SRCAP: variants seen among roughly 807,000 people sequenced by gnomAD.
SRCAP encodes chromatin remodeling protein SRCAP.
SRCAP carries 46 observed loss-of-function variants against 263.1 expected under a neutral mutation model. The ratio of observed to expected loss-of-function variants is 0.17; its 90% CI spans 0.14 to 0.22. SRCAP has a LOEUF of 0.22. SRCAP is among the 10% of genes least tolerant of loss of function. The pLI, the probability that SRCAP is intolerant of heterozygous loss-of-function variation, is 1.00. For missense variants in SRCAP, 3,695 were observed against 4,181.9 expected (o/e 0.88, Z 3.21); for synonymous variants, 1,813 against 1,662.1 (o/e 1.09, Z -2.21).
chr16:30,700,922 A>G, intron 3 of SRCAP, 44 bp downstream of exon 3: 4 of 1,599,506 alleles, frequency 2.5e-6, no homozygotes, highest in Non-Finnish European at 3.4e-6. Context: ...TGCTTTGTGG[A>G]TTGTTGAGTG....
Position 30,729,168 on chromosome 16 carries a change from C to T in SRCAP, c.5861C>T (p.Ala1954Val). ...CCCACCTTTTGGACTTATACCGAGGCTGCCCACCGGGCTGTACTGTTTCCC... is the reference window on the plus strand; with the variant it reads ...CCCACCTTTTGGACTTATACCGAGGTTGCCCACCGGGCTGTACTGTTTCCC... Reference protein sequence around the residue: ...SHPTFWTYTEAAHRAVLFPQQ... With the variant: ...SHPTFWTYTEVAHRAVLFPQQ... The change falls in exon 26 of 34, where the codon GCT becomes GTT. Residue 1954 changes from alanine to valine, a missense_variant. Transcript: ENST00000262518. 4.3e-6 allele frequency: 7 copies of T among 1,614,078 alleles called. No individual in the cohort carries two copies. The highest frequency in any genetic ancestry group is 5.9e-6 in the Non-Finnish European group (7 of 1,180,000).
rs1337092744 is a variant in SRCAP at position 30,716,163 on chromosome 16, G to A, written c.2591G>A (p.Arg864His). Reference sequence around the variant, plus strand: ...GTTATCCGCTGCAGGCTCTCCAAGCGTCAACGCTGTCTCTATGATGACTTC... The same window carrying A: ...GTTATCCGCTGCAGGCTCTCCAAGCATCAACGCTGTCTCTATGATGACTTC... The part of the protein sequence containing the change: ...EHVIRCRLSK[R>H]QRCLYDDFMA... Residue 864 changes from arginine (R) to histidine (H), a missense_variant, in exon 17 of 34, where the codon CGT (arginine) becomes CAT (histidine). Physicochemically the swap from Arg to His is conservative, Grantham distance 29. Around this residue, in one of 12 missense-constraint regions of SRCAP, gnomAD observed 147 missense variants for 212.7 expected, o/e 0.69. Transcript: ENST00000262518. 1.9e-6 allele frequency: 3 copies of A among 1,614,188 alleles called. No individual in the cohort carries two copies. The highest frequency in any genetic ancestry group is 1.7e-6 in the Non-Finnish European group (2 of 1,180,042).
intron 33 of SRCAP, 34 bp from the exon 34 acceptor site, chr16:30,737,015 T>G (rs779740703): frequency 8.4e-6 from 13 of 1,543,718 alleles, no homozygotes; most frequent in African/African-American, 2.7e-5. Context: ...TCTGCTTGCC[T>G]CCTCCTGACC....
rs2052897425 is a variant in SRCAP, at chr16:30,711,965, T to C, written c.1623T>C (p.Asp541=). 1.9e-6 allele frequency: 3 copies of C among 1,613,806 alleles called. No homozygotes were observed. Among genetic ancestry groups the C allele is most frequent in the Non-Finnish European group, 2.5e-6 (3 of 1,179,960 alleles). ...ATGCCCAATCACAGAGCCAAGCAGATGAAGAGGAGGAAGATGATGATTTTG... is the reference window on the plus strand; with the variant it reads ...ATGCCCAATCACAGAGCCAAGCAGACGAAGAGGAGGAAGATGATGATTTTG... ...SEDAQSQSQA[D]EEEEDDDFGV... Residue 541 remains aspartate (D), a synonymous_variant, in exon 12 of 34, where the codon GAT becomes GAC. Coordinates refer to ENST00000262518, the MANE Select transcript of SRCAP (RefSeq NM_006662.3).
rs749056402 is a variant in SRCAP at position 30,733,277 on chromosome 16, T to C, written c.6128-3T>C. On this transcript the variant is annotated splice_polypyrimidine_tract_variant and splice_region_variant and intron_variant, in intron 27 of 33. Coordinates refer to ENST00000262518, the MANE Select transcript of SRCAP (RefSeq NM_006662.3). The surrounding 1 kb of genome is among the most constrained non-coding windows in gnomAD (Gnocchi z 5.3). ...CTCCCTGTATCCCTTCATATCTCTT[T>C]AGGAAAGTTGCAGACGTTGGCAGTG... 5 of 1,613,478 alleles carry C rather than the reference T, an allele frequency of 3.1e-6. No individual in the cohort carries two copies. Among genetic ancestry groups the C allele is most frequent in the Non-Finnish European group, 4.2e-6 (5 of 1,179,986 alleles).
intron 16 of SRCAP, among the ~76,000 whole-genome samples, chr16:30,715,334 G>C (rs1468901675): frequency 6.6e-6 from 1 of 152,120 alleles, no homozygotes; most frequent in African/African-American, 2.4e-5. Context: ...GGGAGGCTGA[G>C]GCAGGCGGAT....
At position 30,722,759 on chromosome 16, in the gene SRCAP, T is replaced by C. The variant is rs781535048; in HGVS notation, c.3892+11T>C. On this transcript the variant is annotated intron_variant, in intron 23 of 33. Coordinates refer to ENST00000262518, the MANE Select transcript of SRCAP (RefSeq NM_006662.3). ...TTGCTGCTAACCAGGGTGAGGCTCC[T>C]GGCCTTCCTACTTAGCCCTTGCTGG... The C allele has an allele frequency of 2.5e-6, 4 of 1,604,192 alleles. No homozygotes were observed. Among genetic ancestry groups the C allele is most frequent in the Non-Finnish European group, 3.4e-6 (4 of 1,173,188 alleles).
intron 3 of SRCAP, chr16:30,701,465 G>A (rs2052765481): frequency 6.6e-6 from 1 of 152,096 alleles, no homozygotes; most frequent in African/African-American, 2.4e-5. Flanking sequence ...TTGTAAAGTT[G>A]GTATTTATAG....
chr16:30,708,113 A>G (rs956991687), intron 6 of SRCAP, among the ~76,000 whole-genome samples: 7 of 152,034 alleles, frequency 4.6e-5, no homozygotes, highest in African/African-American at 1.4e-4. Context: ...CTTCCACTCC[A>G]CACCCACCTT....
chr16:30,722,475 C>T (rs2053020252), intron 22 of SRCAP, 88 bp from the exon 23 acceptor site: 2 of 1,538,606 alleles, frequency 1.3e-6, no homozygotes, highest in South Asian at 1.2e-5. Context: ...TATTCCCTCT[C>T]TGTTCTTTTC....
At chr16:30,734,155 CA>C (rs2053137568) in intron 30 of SRCAP, 147 bp downstream of exon 30, 1 of 727,356 alleles carries the variant, frequency 1.4e-6, no homozygotes, top group Non-Finnish European at 2.2e-6. Context: ...CCAGGCTGGC[CA>C]ACATGATGAA....
chr16:30,735,778 A>G (rs574680923), intron 31 of SRCAP, among the ~76,000 whole-genome samples: 2 of 151,244 alleles, frequency 1.3e-5, no homozygotes, highest in African/African-American at 4.9e-5. Context: ...ATGGGGTTTC[A>G]CCATGTTGGT....
At chr16:30,731,834 G>A (rs1596662692) in intron 27 of SRCAP, among the ~76,000 whole-genome samples, 1 of 151,448 alleles carries the variant, frequency 6.6e-6, no homozygotes, top group South Asian at 2.1e-4. Flanking sequence ...TGGGTGACAG[G>A]GTGAGACCTT....
rs1042733752 is a variant in SRCAP at position 30,712,041 on chromosome 16, G to A, written c.1699G>A (p.Gly567Ser). The A allele has an allele frequency of 6.2e-7, 1 of 1,614,024 alleles. No homozygotes were observed. The highest frequency in any genetic ancestry group is 8.5e-7 in the Non-Finnish European group (1 of 1,180,008). Residue 567 changes from glycine (G) to serine (S), a missense_variant, in exon 12 of 34, where the codon GGC becomes AGC. By Grantham distance (56) the Gly-to-Ser change is moderately conservative (BLOSUM62 0). Around this residue, in one of 12 missense-constraint regions of SRCAP, gnomAD observed 288 missense variants for 302.4 expected, o/e 0.95. Coordinates refer to ENST00000262518, the MANE Select transcript of SRCAP (RefSeq NM_006662.3). Reference protein sequence around the residue: ...RDEEQSEADAGSGPPTPGPTT... With the variant: ...RDEEQSEADASSGPPTPGPTT... ...TGAAGAGCAGAGTGAGGCAGATGCAGGCAGTGGGCCTCCTACTCCAGGGCC... is the reference window on the plus strand; with the variant it reads ...TGAAGAGCAGAGTGAGGCAGATGCAAGCAGTGGGCCTCCTACTCCAGGGCC...
Position 30,710,767 on chromosome 16 carries a change from C to T in SRCAP, c.1148C>T (p.Pro383Leu), listed in dbSNP as rs773416480. ...PPQVLEIKPP[P>L]SAVTQRNKQP... is the part of the protein sequence containing the mutation. ...TTTGCCATACAGATAAAGCCCCCAC[C>T]CTCTGCTGTCACACAGCGCAACAAA... The change falls in exon 9 of 34, where the codon CCC becomes CTC. Residue 383 changes from proline (P) to leucine (L), a missense_variant. Pro to Leu is a moderately conservative substitution (Grantham distance 98). Coordinates refer to ENST00000262518, the MANE Select transcript of SRCAP (RefSeq NM_006662.3). 2 of 1,614,196 alleles carry T rather than the reference C, an allele frequency of 1.2e-6. No individual in the cohort carries two copies. The highest frequency in any genetic ancestry group is 1.7e-6 in the Non-Finnish European group (2 of 1,180,042).
chr16:30,713,881 C>T (rs1250500864), intron 16 of SRCAP, among the ~76,000 whole-genome samples, 170 bp downstream of exon 16: 2 of 149,200 alleles, frequency 1.3e-5, no homozygotes, highest in Non-Finnish European at 3.0e-5. Context: ...TGAGTGACCT[C>T]ATCTTAGTCA....
At chr16:30,727,080 C>CTG (rs1240195003) in intron 25 of SRCAP, among the ~76,000 whole-genome samples, 4 of 152,196 alleles carry the variant, frequency 2.6e-5, no homozygotes, top group African/African-American at 9.6e-5. Flanking sequence ...CTCAAGTGAT[C>CTG]TGCCCGCCTC....
At position 30,740,039 on chromosome 16, in the gene SRCAP, G is replaced by A. The variant is rs1286925826; in HGVS notation, c.*306G>A. 3.4e-6 allele frequency: 1 copy of A among 295,394 alleles called. No individual in the cohort carries two copies. Among genetic ancestry groups the A allele is most frequent in the Non-Finnish European group, 6.2e-6 (1 of 160,938 alleles). 18.3% of individuals were successfully genotyped at this position (295,394 alleles called of 1,614,324 possible). On this transcript the variant is annotated 3_prime_UTR_variant, in exon 34 of 34. Coordinates refer to ENST00000262518, the MANE Select transcript of SRCAP (RefSeq NM_006662.3). The stretch of plus-strand genomic sequence containing the variant: ...TTCACACAGCCCCCCACCCTTAGGG[G>A]AAGGGGGAGGGGCTTCTCTACAATG...
intron 3 of SRCAP, 133 bp downstream of exon 3, chr16:30,701,011 T>C: frequency 1.2e-6 from 1 of 811,464 alleles, no homozygotes; most frequent in Non-Finnish European, 2.0e-6. Flanking sequence ...TGGGCTGTAG[T>C]ATATCAGGTC....
Sources: allele counts gnomAD v4.1 joint callset (sites outside exome capture counted in the v4.1 genomes callset), GRCh38; gene constraint gnomAD v4.1.1; regional missense constraint gnomAD v4.1.1; non-coding constraint Gnocchi (gnomAD v3.1); transcripts MANE v1.5; gene names NCBI Gene and HGNC (gene_info 2026-07-23, HGNC 2026-07-21).